Variants in SOAT1 observed in about 807,000 individuals in gnomAD.
The protein encoded by SOAT1 is sterol O-acyltransferase 1, also known as acyl-coenzyme A:cholesterol acyltransferase 1.
SOAT1 carries 55 observed loss-of-function variants against 69.5 expected under a neutral mutation model. That is an observed-to-expected ratio of 0.79 (90% confidence interval 0.64 to 0.99). The LOEUF (loss-of-function observed/expected upper bound fraction) is 0.99, where lower values mean the gene tolerates loss of function less well. Ranked by LOEUF, SOAT1 falls within the 50% of genes least tolerant of loss-of-function variation. The pLI, the probability that SOAT1 is intolerant of heterozygous loss-of-function variation, is 0.00. For missense variants in SOAT1, 580 were observed against 669.3 expected, an observed-to-expected ratio of 0.87 and a Z score of 1.47; for synonymous variants, 231 against 224.7, an observed-to-expected ratio of 1.03 and a Z score of -0.25.
intron 2 of SOAT1, among the ~76,000 whole-genome samples, chr1:179,316,084 C>T (rs1383208946): frequency 6.6e-6 from 1 of 152,054 alleles, no homozygotes; most frequent in African/African-American, 2.4e-5. Context: ...ACTTTTTGTC[C>T]GGATTTATTG....
intron 11 of SOAT1, 88 bp from the exon 12 acceptor site, chr1:179,347,512 C>A: frequency 2.8e-6 from 2 of 713,832 alleles, no homozygotes; most frequent in African/African-American, 1.8e-5. Context: ...CAAAATAATC[C>A]CAGCTAAATA....
Position 179,346,625 on chromosome 1 carries a change from A to G in SOAT1, c.1118-975A>G, listed in dbSNP as rs567026556. ...TCACTGGAGATATGTTTAGAATGTT[A>G]TCCATGTCACTATGTTAACCATGTC... On this transcript the variant is annotated intron_variant, in intron 11 of 15. Coordinates refer to ENST00000367619, the MANE Select transcript of SOAT1 (RefSeq NM_003101.6). 2.0e-5 allele frequency among the ~76,000 whole-genome samples: 3 copies of G among 152,344 alleles called. No individual in the cohort carries two copies. In the South Asian group the frequency reaches 6.2e-4, roughly 32 times the overall value.
intron 2 of SOAT1, among the ~76,000 whole-genome samples, chr1:179,310,730 A>G (rs1036059692): frequency 2.0e-4 from 31 of 152,100 alleles, no homozygotes; most frequent in African/African-American, 7.5e-4. Context: ...ACGGTCAATG[A>G]GAGTTTTTTA....
At chr1:179,317,532 CAAAA>C (rs61402247) in intron 2 of SOAT1, among the ~76,000 whole-genome samples, 10 of 106,352 alleles carry the variant, frequency 9.4e-5, no homozygotes, top group African/African-American at 3.4e-4. Context: ...GACTCCGTCT[CAAAA>C]AAAAAAAAAA....
At chr1:179,303,969 A>G (rs1391379767) in intron 2 of SOAT1, among the ~76,000 whole-genome samples, 1 of 152,144 alleles carries the variant, frequency 6.6e-6, no homozygotes, top group Non-Finnish European at 1.5e-5. Context: ...TTATGTCCCA[A>G]GTTTTTAAAA....
At chr1:179,313,673 C>T (rs1219039377) in intron 2 of SOAT1, among the ~76,000 whole-genome samples, 1 of 152,122 alleles carries the variant, frequency 6.6e-6, no homozygotes. Context: ...CAACCTCCGC[C>T]TCCCAGGTCC....
chr1:179,324,308 T>C (rs531181445), intron 3 of SOAT1, among the ~76,000 whole-genome samples: 4 of 152,340 alleles, frequency 2.6e-5, no homozygotes, highest in East Asian at 3.9e-4. Flanking sequence ...TTTTCAGTTA[T>C]CATCCAAGGC....
At chr1:179,314,257 C>T (rs184710666) in intron 2 of SOAT1, among the ~76,000 whole-genome samples, 245 of 152,234 alleles carry the variant, frequency 1.6e-3, no homozygotes, top group Middle Eastern at 6.8e-3. Flanking sequence ...AGGGTTTGCC[C>T]TGCATGTATT....
At chr1:179,338,161 GGCAGATC>G (rs1207591931) in intron 5 of SOAT1, among the ~76,000 whole-genome samples, 3 of 152,160 alleles carry the variant, frequency 2.0e-5, no homozygotes, top group Non-Finnish European at 4.4e-5. Flanking sequence ...GGCTGAGACA[GGCAGATC>G]GCTTGAGTCC....
Position 179,337,907 on chromosome 1 carries a change from T to G in SOAT1, c.389+11T>G. ...GCGCTCTCTCTTAGAGTGAGTATTTTTAGTTGTTTTTAAATATGTTTGATT... is the reference window on the plus strand; with the variant it reads ...GCGCTCTCTCTTAGAGTGAGTATTTGTAGTTGTTTTTAAATATGTTTGATT... On this transcript the variant is annotated intron_variant, in intron 5 of 15. Transcript: ENST00000367619. The G allele has an allele frequency of 6.3e-7, 1 of 1,576,530 alleles. No homozygotes were observed. Among genetic ancestry groups the G allele is most frequent in the Non-Finnish European group, 8.6e-7 (1 of 1,158,390 alleles).
At chr1:179,323,818 A>C (rs1665688795) in intron 3 of SOAT1, among the ~76,000 whole-genome samples, 1 of 152,156 alleles carries the variant, frequency 6.6e-6, no homozygotes. Flanking sequence ...ATTCATAGTA[A>C]ATAGCAGCTC....
At chr1:179,303,527 C>T (rs766999130) in intron 2 of SOAT1, among the ~76,000 whole-genome samples, 24 of 152,122 alleles carry the variant, frequency 1.6e-4, no homozygotes, top group Non-Finnish European at 8.8e-5. Flanking sequence ...CAAATAGGTG[C>T]GGAACCTTCT....
intron 2 of SOAT1, among the ~76,000 whole-genome samples, chr1:179,308,330 TGTG>T (rs1665090510): frequency 6.6e-6 from 1 of 152,106 alleles, no homozygotes; most frequent in Admixed American, 6.6e-5. Flanking sequence ...TTGATACAGA[TGTG>T]GTGATAAAAG....
rs866734018 is a variant in SOAT1 at position 179,355,332 on chromosome 1, A to G, written c.*1691A>G. The G allele has an allele frequency of 6.6e-6, 1 of 152,114 alleles. No individual in the cohort carries two copies. The highest frequency in any genetic ancestry group is 1.5e-5 in the Non-Finnish European group (1 of 68,028). 9.4% of individuals were successfully genotyped at this position (152,114 alleles called of 1,614,324 possible). On this transcript the variant is annotated 3_prime_UTR_variant, in exon 16 of 16. Coordinates refer to ENST00000367619, the MANE Select transcript of SOAT1 (RefSeq NM_003101.6). Reference sequence around the variant, plus strand: ...ATTTTGAATTTATAACTGCATTTTAAATATATTGGGGACAGATTGCGCTGA... The same window carrying G: ...ATTTTGAATTTATAACTGCATTTTAGATATATTGGGGACAGATTGCGCTGA...
At chr1:179,325,147 A>C (rs922835939) in intron 3 of SOAT1, among the ~76,000 whole-genome samples, 10 of 96,844 alleles carry the variant, frequency 1.0e-4, no homozygotes, top group African/African-American at 3.5e-4. Flanking sequence ...TTAGTGACTA[A>C]TTTTTTTTTT....
Position 179,310,074 on chromosome 1 carries a change from A to G in SOAT1, c.118+7272A>G, listed in dbSNP as rs528182212. On this transcript the variant is annotated intron_variant, in intron 2 of 15. Transcript: ENST00000367619. Reference sequence around the variant, plus strand: ...ACCACCATGTCCTGCTAATTTTTGTATTTTTAGTAGAGACAGGGTTTCACC... The same window carrying G: ...ACCACCATGTCCTGCTAATTTTTGTGTTTTTAGTAGAGACAGGGTTTCACC... Among the ~76,000 whole-genome samples the G allele has an allele frequency of 1.3e-4, 19 of 151,752 alleles. No homozygotes were observed. In the South Asian group the frequency reaches 3.7e-3, roughly 30 times the overall value.
intron 6 of SOAT1, among the ~76,000 whole-genome samples, chr1:179,340,827 A>G (rs1441176714): frequency 6.8e-6 from 1 of 148,138 alleles, no homozygotes; most frequent in East Asian, 1.9e-4. Flanking sequence ...GTTGATATAT[A>G]TATATATATA....
At chr1:179,346,862 G>A (rs1394026119) in intron 11 of SOAT1, among the ~76,000 whole-genome samples, 1 of 152,100 alleles carries the variant, frequency 6.6e-6, no homozygotes, top group African/African-American at 2.4e-5. Context: ...TTGAGCCCCA[G>A]GAGTTGAAGT....
intron 2 of SOAT1, among the ~76,000 whole-genome samples, chr1:179,320,476 G>A (rs531132955): frequency 2.6e-5 from 4 of 151,384 alleles, no homozygotes; most frequent in Non-Finnish European, 5.9e-5. Context: ...GCTATTCTGT[G>A]TTCTTGAATT....
Sources: allele counts gnomAD v4.1 joint callset (sites outside exome capture counted in the v4.1 genomes callset), GRCh38; gene constraint gnomAD v4.1.1; transcripts MANE v1.5; gene names NCBI Gene and HGNC (gene_info 2026-07-23, HGNC 2026-07-21).